Variants in UNC93A observed in about 807,000 individuals in gnomAD.
UNC93A encodes N-acetylglucosamine transporter UNC93A.
Under a neutral mutation model 47.5 loss-of-function variants are expected in UNC93A, and 43 were observed. That is an observed-to-expected ratio of 0.91 (90% CI 0.71 to 1.17). The LOEUF is 1.17. Ranked by LOEUF, UNC93A falls within the 50% of genes most tolerant of loss-of-function variation. The pLI is 0.00. For missense variants in UNC93A, 605 were observed against 577.6 expected (o/e 1.05, Z -0.49); for synonymous variants, 280 against 258.0 (o/e 1.09, Z -0.82).
At chr6:167,302,875 A>G (rs1482597570) in intron 4 of UNC93A, among the ~76,000 whole-genome samples, 1 of 152,294 alleles carries the variant, frequency 6.6e-6, no homozygotes, top group East Asian at 1.9e-4. Flanking sequence ...TAAATAATTC[A>G]TAAGGTTTAA....
At position 167,291,498 on chromosome 6, in the gene UNC93A, A is replaced by C. The variant is rs1415868181; in HGVS notation, c.9A>C (p.Arg3Ser). 1 of 1,613,592 alleles carries C rather than the reference A, an allele frequency of 6.2e-7. No homozygotes were observed. The highest frequency in any genetic ancestry group is 1.3e-5 in the African/African-American group (1 of 74,892). ...TCTTTTCATCCAGCACAATGGACAG[A>C]AGTCTAAGGAACGTCCTTGTGGTTT... Reference protein sequence around the residue: MDRSLRNVLVVSF... With the variant: MDSSLRNVLVVSF... The change falls in exon 1 of 8, where the codon AGA (arginine) becomes AGC (serine). Residue 3 changes from arginine (R) to serine (S), a missense_variant. Arg to Ser is a moderately radical substitution (Grantham distance 110). Coordinates refer to ENST00000230256, the MANE Select transcript of UNC93A (RefSeq NM_018974.4).
intron 1 of UNC93A, among the ~76,000 whole-genome samples, chr6:167,275,926 C>T (rs547337394): frequency 1.8e-4 from 28 of 152,290 alleles, no homozygotes; most frequent in Middle Eastern, 3.4e-3. Context: ...GAACACTGGG[C>T]TCCTTCCTCC....
intron 4 of UNC93A, among the ~76,000 whole-genome samples, chr6:167,299,206 A>G (rs1177543161): frequency 7.2e-5 from 3 of 41,640 alleles, no homozygotes; most frequent in Non-Finnish European, 1.1e-4. Context: ...CTATATGTAT[A>G]TATATATATA....
intron 1 of UNC93A, chr6:167,271,575 C>T (rs1026919276): frequency 2.0e-5 from 3 of 152,088 alleles, no homozygotes; most frequent in East Asian, 1.9e-4. Flanking sequence ...TTTACAGGCT[C>T]GTCAGCCCCC....
chr6:167,300,135 G>T (rs1183068682), intron 4 of UNC93A, among the ~76,000 whole-genome samples: 1 of 152,156 alleles, frequency 6.6e-6, no homozygotes, highest in Non-Finnish European at 1.5e-5. Context: ...GGACGCAGTG[G>T]GACTCTTGCA....
At chr6:167,306,144 C>A in intron 6 of UNC93A, 94 bp downstream of exon 6, 1 of 1,547,256 alleles carries the variant, frequency 6.5e-7, no homozygotes, top group Non-Finnish European at 8.8e-7. Context: ...GAAAAGTGCC[C>A]CTGAAACTGC....
intron 7 of UNC93A, among the ~76,000 whole-genome samples, chr6:167,313,420 C>T (rs1275603526): frequency 6.6e-6 from 1 of 151,946 alleles, no homozygotes; most frequent in African/African-American, 2.4e-5. Flanking sequence ...TATGGAAAAA[C>T]TCAGAGGGCC....
intron 3 of UNC93A, among the ~76,000 whole-genome samples, chr6:167,297,406 C>G (rs1469449808): frequency 6.6e-6 from 1 of 152,194 alleles, no homozygotes; most frequent in Non-Finnish European, 1.5e-5. Context: ...ACATCTTTCT[C>G]CTTTCCCCAG....
intron 7 of UNC93A, among the ~76,000 whole-genome samples, chr6:167,312,859 G>A (rs951795998): frequency 2.0e-5 from 3 of 152,220 alleles, no homozygotes; most frequent in Admixed American, 2.0e-4. Context: ...CAAATCTTGA[G>A]TAATTCCCTG....
intron 3 of UNC93A, among the ~76,000 whole-genome samples, chr6:167,297,601 A>G (rs986032010): frequency 1.3e-4 from 20 of 152,214 alleles, no homozygotes; most frequent in South Asian, 8.3e-4. Flanking sequence ...AATCTCATGT[A>G]CTTTTTTCTT....
intron 4 of UNC93A, among the ~76,000 whole-genome samples, chr6:167,301,917 A>G (rs13215790): frequency 0.23 from 35,461 of 152,094 alleles, 4,228 homozygotes; most frequent in South Asian, 0.34. Context: ...CTGCCAGACC[A>G]CATGGTGGCC....
Position 167,315,689 on chromosome 6 carries a change from A to G in UNC93A, c.*237A>G. ...AAGGTATCAGTTCATTTAATTTTAG[A>G]TGCAAAAGAAAAAGGTCTAACGTAC... On this transcript the variant is annotated 3_prime_UTR_variant, in exon 8 of 8. Transcript: ENST00000230256. 4.3e-6 allele frequency: 2 copies of G among 467,600 alleles called. No individual in the cohort carries two copies. Among genetic ancestry groups the G allele is most frequent in the Non-Finnish European group, 7.2e-6 (2 of 278,488 alleles). The allele number at this position is 467,600 out of a possible 1,614,324, so 29.0% of individuals were successfully genotyped here.
chr6:167,271,617 G>A (rs1447566505), intron 1 of UNC93A, among the ~76,000 whole-genome samples: 2 of 152,056 alleles, frequency 1.3e-5, no homozygotes, highest in Non-Finnish European at 2.9e-5. Flanking sequence ...CACACATATG[G>A]GAGGAAAAGT....
At chr6:167,313,430 C>T (rs958273786) in intron 7 of UNC93A, among the ~76,000 whole-genome samples, 15 of 151,854 alleles carry the variant, frequency 9.9e-5, no homozygotes, top group African/African-American at 3.4e-4. Flanking sequence ...CTCAGAGGGC[C>T]GAGGAGAACA....
upstream of UNC93A, among the ~76,000 whole-genome samples, chr6:167,289,448 A>G (rs1027509637): frequency 6.6e-6 from 1 of 152,172 alleles, no homozygotes; most frequent in Admixed American, 6.5e-5. Flanking sequence ...AACTGGGAGG[A>G]AAAGAGAGAA....
intron 4 of UNC93A, among the ~76,000 whole-genome samples, chr6:167,299,784 A>G (rs1778189434): frequency 6.6e-6 from 1 of 152,208 alleles, no homozygotes. Context: ...CGAGATGTCC[A>G]GGAAGAGCCC....
upstream of UNC93A, among the ~76,000 whole-genome samples, chr6:167,286,737 G>C (rs1267251435): frequency 3.9e-5 from 6 of 152,050 alleles, no homozygotes; most frequent in Admixed American, 1.3e-4. Flanking sequence ...CAGCACTTTG[G>C]GAGGCCGAGG....
At chr6:167,275,971 C>A (rs1451347275) in intron 1 of UNC93A, among the ~76,000 whole-genome samples, 1 of 152,096 alleles carries the variant, frequency 6.6e-6, no homozygotes, top group African/African-American at 2.4e-5. Context: ...TCACACATCT[C>A]TCCCTACCCC....
intron 4 of UNC93A, among the ~76,000 whole-genome samples, chr6:167,300,050 G>C (rs1778198045): frequency 7.0e-6 from 1 of 142,958 alleles, no homozygotes; most frequent in African/African-American, 2.8e-5. Context: ...GTGTGGGTTG[G>C]ACATGGTGTG....
Sources: gnomAD v4.1 joint callset for allele counts (sites outside exome capture counted in the v4.1 genomes callset) on GRCh38, gnomAD v4.1.1 for gene constraint, MANE v1.5 for transcripts, NCBI Gene and HGNC (gene_info 2026-07-23, HGNC 2026-07-21) for gene names.